Variants in ZZZ3 observed in about 807,000 individuals in gnomAD.
ZZZ3 encodes the protein zinc finger ZZ-type containing 3.
ZZZ3 carries 22 observed loss-of-function variants against 95.2 expected under a neutral mutation model. The ratio of observed to expected loss-of-function variants is 0.23; its 90% CI spans 0.17 to 0.33. The LOEUF (loss-of-function observed/expected upper bound fraction) is 0.33, where lower values mean the gene tolerates loss of function less well. Among genes scored for constraint, ZZZ3 ranks in the 10% least tolerant of loss-of-function variants. The pLI is 1.00. For missense variants in ZZZ3, 885 were observed against 1,066.5 expected (o/e 0.83, Z 2.37); for synonymous variants, 335 against 358.9 (o/e 0.93, Z 0.75).
Position 77,632,504 on chromosome 1 carries a change from G to A in ZZZ3, c.851C>T (p.Thr284Ile). The change falls in exon 5 of 15, where the codon ACT (threonine) becomes ATT (isoleucine). Residue 284 changes from threonine to isoleucine, a missense_variant. Physicochemically the swap from Thr to Ile is moderately conservative, Grantham distance 89 (BLOSUM62 -1). Coordinates refer to ENST00000370801, the MANE Select transcript of ZZZ3 (RefSeq NM_015534.6). Reference sequence around the variant, plus strand: ...AACATGTTCCACAGGCAAGCAGGCAGTTACTATTTTGTGGTCCTCCAACTT... The same window carrying A: ...AACATGTTCCACAGGCAAGCAGGCAATTACTATTTTGTGGTCCTCCAACTT... ...QVKLEDHKIV[T>I]ACLPVEHVNQ... The A allele has an allele frequency of 6.2e-7, 1 of 1,614,176 alleles. No individual in the cohort carries two copies. Among genetic ancestry groups the A allele is most frequent in the Non-Finnish European group, 8.5e-7 (1 of 1,180,026 alleles).
intron 5 of ZZZ3, among the ~76,000 whole-genome samples, chr1:77,603,764 G>A (rs76896138): frequency 1.3e-4 from 20 of 152,042 alleles, no homozygotes; most frequent in East Asian, 9.7e-4. Context: ...CCACTGATTC[G>A]AAGAGCTTCT....
intron 3 of ZZZ3, chr1:77,640,917 T>G (rs537379427): frequency 2.0e-5 from 3 of 152,290 alleles, no homozygotes; most frequent in African/African-American, 7.2e-5. Flanking sequence ...ATGCCACCTC[T>G]CCCAAACATG....
chr1:77,670,052 TTAATA>T (rs1467362329), intron 1 of ZZZ3, among the ~76,000 whole-genome samples: 1 of 147,054 alleles, frequency 6.8e-6, no homozygotes, highest in Non-Finnish European at 1.5e-5. Context: ...AAAAAACCTA[TTAATA>T]TAATAAATAT....
At chr1:77,571,979 C>T (rs1661436066) in intron 12 of ZZZ3, among the ~76,000 whole-genome samples, 1 of 152,144 alleles carries the variant, frequency 6.6e-6, no homozygotes, top group Admixed American at 6.5e-5. Flanking sequence ...CATAGATTTC[C>T]TAATCATAAT....
intron 5 of ZZZ3, among the ~76,000 whole-genome samples, chr1:77,596,991 C>T (rs959563155): frequency 6.6e-6 from 1 of 152,104 alleles, no homozygotes. Context: ...ACAATAAACA[C>T]ATTTGGCACC....
rs570458849 is a variant in ZZZ3, at chr1:77,562,935, G to A, written c.*2705C>T. 2 of 152,272 alleles carry A rather than the reference G, an allele frequency of 1.3e-5. No individual in the cohort carries two copies. The highest frequency in any genetic ancestry group is 1.9e-4 in the East Asian group (1 of 5,194). 9.4% of individuals were successfully genotyped at this position (152,272 alleles called of 1,614,324 possible). ...AGCATGACCACTTTACTAACTATAC[G>A]ACCTTGGGCAGGTTAATTAACTTCT... On this transcript the variant is annotated 3_prime_UTR_variant, in exon 15 of 15. Coordinates refer to ENST00000370801, the MANE Select transcript of ZZZ3 (RefSeq NM_015534.6).
intron 5 of ZZZ3, among the ~76,000 whole-genome samples, chr1:77,601,809 A>C (rs2100677289): frequency 6.6e-6 from 1 of 152,286 alleles, no homozygotes; most frequent in Middle Eastern, 3.4e-3. Flanking sequence ...AGATTAGGAA[A>C]CCAAACTTCA....
intron 11 of ZZZ3, 43 bp downstream of exon 11, chr1:77,578,731 A>C: frequency 8.6e-7 from 1 of 1,160,556 alleles, no homozygotes; most frequent in Non-Finnish European, 1.2e-6. Flanking sequence ...TTCTTACTTT[A>C]ATAAATTTAA....
At chr1:77,608,670 G>A (rs1238604570) in intron 5 of ZZZ3, among the ~76,000 whole-genome samples, 1 of 152,094 alleles carries the variant, frequency 6.6e-6, no homozygotes, top group Non-Finnish European at 1.5e-5. Context: ...AGATGAACCA[G>A]TCAAAAATGA....
intron 1 of ZZZ3, among the ~76,000 whole-genome samples, chr1:77,677,632 G>A (rs998917091): frequency 6.6e-6 from 1 of 152,090 alleles, no homozygotes; most frequent in African/African-American, 2.4e-5. Context: ...ATATACAAGA[G>A]AGAGATAATA....
chr1:77,581,022 G>A lies in ZZZ3; in HGVS notation c.1956C>T (p.Asn652=), dbSNP rs368392775. Reference sequence around the variant, plus strand: ...CCTGTTCTTCAACAGTCCACAACTGGTTAAATGTTTCAGGTTTGGTATCAT... The same window carrying A: ...CCTGTTCTTCAACAGTCCACAACTGATTAAATGTTTCAGGTTTGGTATCAT... ...LCDDTKPETF[N]QLWTVEEQKK... is the part of the protein sequence containing the mutation. Residue 652 remains asparagine (N), a synonymous_variant, in exon 9 of 15, where the codon AAC becomes AAT. Coordinates refer to ENST00000370801, the MANE Select transcript of ZZZ3 (RefSeq NM_015534.6). 3.7e-6 allele frequency: 6 copies of A among 1,613,986 alleles called. 1 individual carries two copies. The highest frequency in any genetic ancestry group is 1.6e-4 in the Middle Eastern group (1 of 6,062).
chr1:77,670,220 T>C (rs1335369870), intron 1 of ZZZ3, among the ~76,000 whole-genome samples: 2 of 151,916 alleles, frequency 1.3e-5, no homozygotes, highest in African/African-American at 4.8e-5. Flanking sequence ...TGTTGTCCTC[T>C]TTAATAAACC....
In ZZZ3 at chr1:77,578,787, A is replaced by G. The variant is rs754632892; in HGVS notation, c.2165T>C (p.Ile722Thr). The G allele has an allele frequency of 6.4e-7, 1 of 1,551,678 alleles. No homozygotes were observed. The highest frequency in any genetic ancestry group is 8.7e-7 in the Non-Finnish European group (1 of 1,153,240). Residue 722 changes from isoleucine (I) to threonine (T), a missense_variant, in exon 11 of 15, where the codon ATA becomes ACA. Transcript: ENST00000370801. ...PVPGRTPNLY[I>T]YSKKSSTSRR... Reference sequence around the variant, plus strand: ...ATTTTCTTTTACCTTTTTGGAGTATATATATAAGTTTGGTGTTCTGCCTGG... The same window carrying G: ...ATTTTCTTTTACCTTTTTGGAGTATGTATATAAGTTTGGTGTTCTGCCTGG...
At chr1:77,678,477 A>T (rs1355802541) in intron 1 of ZZZ3, among the ~76,000 whole-genome samples, 1 of 152,192 alleles carries the variant, frequency 6.6e-6, no homozygotes, top group Non-Finnish European at 1.5e-5. Context: ...CCAATTTCTT[A>T]CTTCCTTAAA....
At chr1:77,570,358 C>T (rs1661256579) in intron 12 of ZZZ3, among the ~76,000 whole-genome samples, 1 of 152,212 alleles carries the variant, frequency 6.6e-6, no homozygotes, top group African/African-American at 2.4e-5. Context: ...CTGCCTCAGC[C>T]TCCCAAAGTG....
chr1:77,638,873 T>G (rs1012958793), intron 4 of ZZZ3, among the ~76,000 whole-genome samples: 3 of 152,162 alleles, frequency 2.0e-5, no homozygotes, highest in Non-Finnish European at 2.9e-5. Context: ...ACCTCAGCAG[T>G]GCAATTACCA....
At chr1:77,651,745 C>T (rs1434064591) in intron 1 of ZZZ3, among the ~76,000 whole-genome samples, 3 of 152,054 alleles carry the variant, frequency 2.0e-5, no homozygotes, top group South Asian at 2.1e-4. Flanking sequence ...GGGCTGGGCA[C>T]GGTGGCTCAG....
At chr1:77,627,333 T>C (rs897600597) in intron 5 of ZZZ3, among the ~76,000 whole-genome samples, 2 of 152,228 alleles carry the variant, frequency 1.3e-5, no homozygotes, top group African/African-American at 4.8e-5. Context: ...TTGTAAATTA[T>C]GAAGCACAAT....
chr1:77,675,815 C>T (rs1672212974), intron 1 of ZZZ3, among the ~76,000 whole-genome samples: 1 of 151,886 alleles, frequency 6.6e-6, no homozygotes, highest in South Asian at 2.1e-4. Flanking sequence ...TATTTCATAA[C>T]AGAAAAAAAG....
Sources: gnomAD v4.1 joint callset for allele counts (sites outside exome capture counted in the v4.1 genomes callset) on GRCh38, gnomAD v4.1.1 for gene constraint, MANE v1.5 for transcripts, NCBI Gene and HGNC (gene_info 2026-07-23, HGNC 2026-07-21) for gene names.